The following UNG variants were observed in gnomAD, a reference collection of about 807,000 sequenced individuals.
The protein encoded by UNG is uracil-DNA glycosylase.
Under a neutral mutation model 36.5 loss-of-function variants are expected in UNG, and 34 were observed. The ratio of observed to expected loss-of-function variants is 0.93; its 90% CI spans 0.71 to 1.24. The LOEUF is 1.24. UNG is among the 50% of genes most tolerant of loss of function. UNG has a pLI of 0.00. For synonymous variants in UNG, 172 were observed against 157.8 expected (o/e 1.09, Z -0.67); for missense variants, 391 against 397.6 (o/e 0.98, Z 0.14).
intron 1 of UNG, 181 bp from the exon 2 acceptor site, chr12:109,098,251 A>G: frequency 1.3e-6 from 2 of 1,511,056 alleles, no homozygotes; most frequent in Non-Finnish European, 8.8e-7. Flanking sequence ...TCCAGTTTAG[A>G]ACCTAATTCC....
At chr12:109,107,422 C>T (rs2135892059) in intron 6 of UNG, among the ~76,000 whole-genome samples, 2 of 151,550 alleles carry the variant, frequency 1.3e-5, no homozygotes, top group East Asian at 3.9e-4. Flanking sequence ...CAGGCTGGCT[C>T]TTGAACTCCT....
chr12:109,097,922 C>A (rs2042143788), intron 1 of UNG, 111 bp downstream of exon 1: 4 of 1,370,726 alleles, frequency 2.9e-6, no homozygotes, highest in Non-Finnish European at 3.8e-6. Context: ...ACCCGGGCTC[C>A]GCTTTCCAAA....
At position 109,097,826 on chromosome 12, in the gene UNG, G is replaced by C. The variant is rs2042142860; in HGVS notation, c.132+15G>C. The C allele has an allele frequency of 6.5e-7, 1 of 1,534,960 alleles. No homozygotes were observed. ...GAGATGCGGCGGTGAGGCGCGGCTT[G>C]GGCCGGGGCTAGGGGGTGAAGGGGG... On this transcript the variant is annotated intron_variant, in intron 1 of 6. Coordinates refer to ENST00000242576, the MANE Select transcript of UNG (RefSeq NM_080911.3).
chr12:109,101,786 A>G (rs2042179919), intron 3 of UNG, 116 bp from the exon 4 acceptor site: 1 of 848,594 alleles, frequency 1.2e-6, no homozygotes, highest in South Asian at 1.4e-5. Context: ...CAACTCTGCT[A>G]TTAGCAATCT....
At chr12:109,100,563 A>C (rs1392289191) in intron 3 of UNG, among the ~76,000 whole-genome samples, 2 of 152,242 alleles carry the variant, frequency 1.3e-5, no homozygotes, top group African/African-American at 4.8e-5. Context: ...TCCTATTAAG[A>C]TCAATACTAA....
chr12:109,101,594 C>T lies in UNG; in HGVS notation c.436-308C>T, dbSNP rs376013015. ...GCATAGTGGTGCACTCCTGTGGGCC[C>T]AGCTACTCTGGAGGCTCAGGTGGGA... On this transcript the variant is annotated intron_variant, in intron 3 of 6. Transcript: ENST00000242576. 2.3e-3 allele frequency among the ~76,000 whole-genome samples: 357 copies of T among 152,108 alleles called. 3 individuals carry two copies. Among genetic ancestry groups the T allele is most frequent in the African/African-American group, 8.5e-3 (351 of 41,518 alleles).
In UNG at chr12:109,103,677, C is replaced by A. The variant is rs1051778390; in HGVS notation, c.801+66C>A. ...CACTATAAAAACAATGTAAAGAATT[C>A]TAGGAGTCCCTGCTGTGTTTGGTCC... On this transcript the variant is annotated intron_variant, in intron 6 of 6. Coordinates refer to ENST00000242576, the MANE Select transcript of UNG (RefSeq NM_080911.3). 3 of 1,483,876 alleles carry A rather than the reference C, an allele frequency of 2.0e-6. No individual in the cohort carries two copies. In the African/African-American group the frequency reaches 4.2e-5, roughly 21 times the overall value. The allele number at this position is 1,483,876 out of a possible 1,614,324, so 91.9% of individuals were successfully genotyped here. A position where few individuals can be genotyped will look rare whatever the true frequency, so the allele number is the denominator to read the frequency against.
intron 3 of UNG, among the ~76,000 whole-genome samples, chr12:109,101,218 G>A (rs3219226): frequency 4.2e-5 from 6 of 143,458 alleles, no homozygotes; most frequent in Non-Finnish European, 6.0e-5. Flanking sequence ...TCAGCCTCCC[G>A]AGTAGCTGGG....
intron 6 of UNG, among the ~76,000 whole-genome samples, chr12:109,108,499 G>A (rs1345395540): frequency 6.6e-6 from 1 of 152,106 alleles, no homozygotes; most frequent in Non-Finnish European, 1.5e-5. Flanking sequence ...TGGTGTAGTG[G>A]CACGCACCTG....
chr12:109,108,828 C>T (rs186965134), intron 6 of UNG, among the ~76,000 whole-genome samples: 22 of 152,180 alleles, frequency 1.4e-4, no homozygotes, highest in African/African-American at 4.6e-4. Context: ...GATGGGGTCT[C>T]GCTATGTTGC....
chr12:109,098,058 G>T, intron 1 of UNG: 1 of 1,378,268 alleles, frequency 7.3e-7, no homozygotes, highest in African/African-American at 1.5e-5. Flanking sequence ...CTCCTGGCTC[G>T]GTGCGCTGTC....
chr12:109,097,983 G>A, intron 1 of UNG, 172 bp downstream of exon 1: 1 of 1,259,830 alleles, frequency 7.9e-7, no homozygotes, highest in South Asian at 1.7e-5. Context: ...GGGCCGCCAT[G>A]CTAAAGGGCC....
At chr12:109,104,062 G>GTTTTTTGTTTTTT (rs376752411) in intron 6 of UNG, among the ~76,000 whole-genome samples, 5 of 150,726 alleles carry the variant, frequency 3.3e-5, no homozygotes, top group African/African-American at 1.2e-4. Context: ...TGGGTTTTTT[G>GTTTTTTGTTTTTT]TTTTTTGATG....
At position 109,105,791 on chromosome 12, in the gene UNG, C is replaced by G. The variant is rs3219255; in HGVS notation, c.801+2180C>G. On this transcript the variant is annotated intron_variant, in intron 6 of 6. Coordinates refer to ENST00000242576, the MANE Select transcript of UNG (RefSeq NM_080911.3). ...TTCTTTCTTCCCCCTCCAAATCTAC[C>G]CCTGCCTGACCACCTTTGCCTTCAT... Among the ~76,000 whole-genome samples the G allele has an allele frequency of 9.2e-3, 1,398 of 152,338 alleles. 27 individuals carry two copies. The highest frequency in any genetic ancestry group is 0.031 in the African/African-American group (1,291 of 41,582).
Position 109,110,960 on chromosome 12 carries a change from G to A in UNG, c.*991G>A, listed in dbSNP as rs1180095001. 2 of 152,082 alleles carry A rather than the reference G, an allele frequency of 1.3e-5. No homozygotes were observed. Among genetic ancestry groups the A allele is most frequent in the Non-Finnish European group, 2.9e-5 (2 of 68,018 alleles). 9.4% of individuals were successfully genotyped at this position (152,082 alleles called of 1,614,324 possible). A position where few individuals can be genotyped will look rare whatever the true frequency, so the allele number is the denominator to read the frequency against. Reference sequence around the variant, plus strand: ...TTAGTCGGGTTAGAGTTGGCTCTACGCGAGGTTTGTTAATAAAAGTTTGTT... The same window carrying A: ...TTAGTCGGGTTAGAGTTGGCTCTACACGAGGTTTGTTAATAAAAGTTTGTT... On this transcript the variant is annotated 3_prime_UTR_variant, in exon 7 of 7. Transcript: ENST00000242576.
rs1173563409 is a variant in UNG, at chr12:109,098,443, C to T, written c.144C>T (p.Ala48=). 1 of 1,608,748 alleles carries T rather than the reference C, an allele frequency of 6.2e-7. No homozygotes were observed. The highest frequency in any genetic ancestry group is 1.1e-5 in the South Asian group (1 of 90,678). Residue 48 remains alanine, a synonymous_variant, in exon 2 of 7, where the codon GCC becomes GCT. Coordinates refer to ENST00000242576, the MANE Select transcript of UNG (RefSeq NM_080911.3). ...EESGDAAAIP[A]KKAPAGQEEP... is the part of the protein sequence containing the mutation. Reference sequence around the variant, plus strand: ...GGGACCACTTGCAGGCCATCCCAGCCAAGAAGGCCCCGGCTGGGCAGGAGG... The same window carrying T: ...GGGACCACTTGCAGGCCATCCCAGCTAAGAAGGCCCCGGCTGGGCAGGAGG...
rs187858476 is a variant in UNG, at chr12:109,103,548, G to T, written c.738G>T (p.Ser246=). Reference sequence around the variant, plus strand: ...TTGTGTCCTGGCTAAATCAGAACTCGAATGGCCTTGTTTTCTTGCTCTGGG... The same window carrying T: ...TTGTGTCCTGGCTAAATCAGAACTCTAATGGCCTTGTTTTCTTGCTCTGGG... ...DAVVSWLNQN[S]NGLVFLLWGS... The change falls in exon 6 of 7, where the codon TCG becomes TCT. Residue 246 remains serine, a synonymous_variant. Transcript: ENST00000242576. 5 of 1,614,154 alleles carry T rather than the reference G, an allele frequency of 3.1e-6. No homozygotes were observed. Among genetic ancestry groups the T allele is most frequent in the South Asian group, 2.2e-5 (2 of 91,062 alleles).
intron 6 of UNG, among the ~76,000 whole-genome samples, chr12:109,109,088 G>T (rs1418830320): frequency 6.6e-6 from 1 of 152,152 alleles, no homozygotes; most frequent in Non-Finnish European, 1.5e-5. Flanking sequence ...TGTTCAGCAG[G>T]TTATATGTCA....
Position 109,097,778 on chromosome 12 carries a change from G to T in UNG, c.99G>T (p.Val33=). 6.4e-7 allele frequency: 1 copy of T among 1,560,788 alleles called. No individual in the cohort carries two copies. ...AGCCGGCCGTCCAGGGGACCGGCGT[G>T]GCTGGGGTGCCTGAGGAAAGCGGAG... ...SPEPAVQGTG[V]AGVPEESGDA... Residue 33 remains valine (V), a synonymous_variant, in exon 1 of 7, where the codon GTG becomes GTT. Transcript: ENST00000242576.
Sources: allele counts gnomAD v4.1 joint callset (sites outside exome capture counted in the v4.1 genomes callset), GRCh38; gene constraint gnomAD v4.1.1; transcripts MANE v1.5; gene names NCBI Gene and HGNC (gene_info 2026-07-23, HGNC 2026-07-21).